Variants in FMR1 observed in about 807,000 individuals in gnomAD.
FMR1 encodes the protein fragile X messenger ribonucleoprotein 1.
Under a neutral mutation model 50.6 loss-of-function variants are expected in FMR1, and 13 were observed. The observed-to-expected ratio is 0.26, with a 90% CI of 0.17 to 0.41. FMR1 has a LOEUF of 0.41. FMR1 is among the 10% of genes least tolerant of loss of function. FMR1 has a pLI of 1.00. For missense variants in FMR1, 316 were observed against 491.3 expected (o/e 0.64, Z 3.37); for synonymous variants, 138 against 164.1 (o/e 0.84, Z 1.22).
chrX:147,926,655 T>C (rs1484555043), intron 3 of FMR1, among the ~76,000 whole-genome samples: 2 of 110,189 alleles, frequency 1.8e-5, no homozygotes, highest in Non-Finnish European at 1.9e-5. Flanking sequence ...GCCCAGATAA[T>C]TTTTATATTT....
chrX:147,950,059 G>A lies in FMR1; in HGVS notation c.*1215G>A, dbSNP rs1557183255. The A allele has an allele frequency of 9.3e-6, 3 of 321,940 alleles. No individual in the cohort carries two copies. Among genetic ancestry groups the A allele is most frequent in the Non-Finnish European group, 1.8e-5 (3 of 168,034 alleles). The allele number at this position is 321,940 out of a possible 1,213,427, so 26.5% of individuals were successfully genotyped here. On this transcript the variant is annotated 3_prime_UTR_variant, in exon 17 of 17. Transcript: ENST00000370475. ...TTTTCTTTTGTTTTTTGAAGTGTTG[G>A]GGTTTGGTTTTGTTTTTTGAGTCTT...
chrX:147,922,941 C>T (rs1050477642), intron 2 of FMR1, among the ~76,000 whole-genome samples: 1 of 110,831 alleles, frequency 9.0e-6, no homozygotes, highest in Admixed American at 9.6e-5. Flanking sequence ...AACTGTAAAC[C>T]TTCTATAAAC....
At chrX:147,919,420 G>A (rs2043046164) in intron 1 of FMR1, among the ~76,000 whole-genome samples, 1 of 111,742 alleles carries the variant, frequency 8.9e-6, no homozygotes, top group African/African-American at 3.3e-5. Flanking sequence ...TGAAGCACTG[G>A]GGCATGCACC....
intron 1 of FMR1, 105 bp downstream of exon 1, chrX:147,912,335 C>A: frequency 1.2e-6 from 1 of 801,246 alleles, no homozygotes; most frequent in Non-Finnish European, 1.8e-6. Flanking sequence ...AGCACCGCGC[C>A]TGGGTGCCAG....
chrX:147,919,367 A>C (rs1405588617), intron 1 of FMR1, among the ~76,000 whole-genome samples: 1 of 111,949 alleles, frequency 8.9e-6, no homozygotes, highest in Non-Finnish European at 1.9e-5. Context: ...CTAACTCAAA[A>C]TTAGGCCTCT....
intron 12 of FMR1, among the ~76,000 whole-genome samples, chrX:147,938,622 C>A (rs1206128585): frequency 1.8e-5 from 2 of 111,702 alleles, no homozygotes; most frequent in African/African-American, 6.5e-5. Context: ...GCAATGTGCT[C>A]ACCCCTAGCA....
In FMR1 at chrX:147,940,669, A is replaced by G; in HGVS notation, c.1275+7A>G. On this transcript the variant is annotated splice_region_variant and intron_variant, in intron 13 of 16. Coordinates refer to ENST00000370475, the MANE Select transcript of FMR1 (RefSeq NM_002024.6). ...TCACCTGAACTATTTAAAGGTGAGAACAGAAAGAACTTTAACTTCTAATCC... is the reference window on the plus strand; with the variant it reads ...TCACCTGAACTATTTAAAGGTGAGAGCAGAAAGAACTTTAACTTCTAATCC... 9.1e-7 allele frequency: 1 copy of G among 1,099,591 alleles called. No individual in the cohort carries two copies. Among genetic ancestry groups the G allele is most frequent in the East Asian group, 3.0e-5 (1 of 33,354 alleles). The allele number at this position is 1,099,591 out of a possible 1,213,427, so 90.6% of individuals were successfully genotyped here.
intron 16 of FMR1, chrX:147,947,310 GC>G (rs782290754): frequency 6.5e-5 from 7 of 107,635 alleles, no homozygotes; most frequent in African/African-American, 2.0e-4. Context: ...TACTCGGGAG[GC>G]TGAGGCAGGA....
intron 3 of FMR1, among the ~76,000 whole-genome samples, chrX:147,927,482 A>G (rs782255859): frequency 8.9e-6 from 1 of 111,794 alleles, no homozygotes; most frequent in South Asian, 3.7e-4. Context: ...CTTTTACTCT[A>G]CTTGTCAGCC....
intron 13 of FMR1, among the ~76,000 whole-genome samples, chrX:147,940,973 T>G (rs2043982163): frequency 8.9e-6 from 1 of 112,029 alleles, no homozygotes; most frequent in African/African-American, 3.3e-5. Context: ...TTCTAGCATT[T>G]TGGTTTTTTC....
rs1157854706 is a variant in FMR1 at position 147,936,423 on chromosome X, T to G, written c.881-81T>G. 1.0e-5 allele frequency: 6 copies of G among 601,665 alleles called. No individual in the cohort carries two copies. In the African/African-American group the frequency reaches 1.3e-4, roughly 14 times the overall value. The allele number at this position is 601,665 out of a possible 1,213,427, so 49.6% of individuals were successfully genotyped here. ...ACATAAAAATATCTATCTATATGAA[T>G]GTAATAGTTTACAGTAGGGCTGTGC... On this transcript the variant is annotated intron_variant, in intron 9 of 16. Coordinates refer to ENST00000370475, the MANE Select transcript of FMR1 (RefSeq NM_002024.6).
intron 9 of FMR1, 134 bp from the exon 10 acceptor site, chrX:147,936,370 A>G (rs1248510412): frequency 2.1e-6 from 1 of 469,625 alleles, no homozygotes; most frequent in Non-Finnish European, 3.7e-6. Context: ...TTGGTTTTGA[A>G]ATCTTACAAT....
chrX:147,915,541 C>T (rs1922039509), intron 1 of FMR1, among the ~76,000 whole-genome samples: 1 of 110,891 alleles, frequency 9.0e-6, no homozygotes, highest in South Asian at 3.8e-4. Flanking sequence ...GTGGCTGCAT[C>T]ATTTTTCCCC....
Position 147,950,403 on chromosome X carries a change from G to A in FMR1, c.*1559G>A. 1.2e-5 allele frequency: 4 copies of A among 329,565 alleles called. No homozygotes were observed. The Middle Eastern group carries it at 2.9e-3, about 237-fold the overall frequency. 27.2% of individuals were successfully genotyped at this position (329,565 alleles called of 1,213,427 possible). On this transcript the variant is annotated 3_prime_UTR_variant, in exon 17 of 17. Coordinates refer to ENST00000370475, the MANE Select transcript of FMR1 (RefSeq NM_002024.6). ...TAGTTATTTATTCTGGGAATGTATA[G>A]TATTTGAAAACAGAAATTGGTACCT...
At chrX:147,946,856 C>T (rs782311792) in intron 16 of FMR1, 4 of 112,259 alleles carry the variant, frequency 3.6e-5, no homozygotes, top group Non-Finnish European at 7.5e-5. Flanking sequence ...CATAGCAGCT[C>T]AAAGTAAGTG....
At position 147,944,987 on chromosome X, in the gene FMR1, C is replaced by A; in HGVS notation, c.1590C>A (p.Asp530Glu). Residue 530 changes from aspartate to glutamate, a missense_variant, in exon 15 of 17, where the codon GAC (aspartate) becomes GAA (glutamate). By Grantham distance (45) the Asp-to-Glu change is conservative. Transcript: ENST00000370475. ...GGGAGAGCTTCCTGCGCAGAGGAGA[C>A]GGACGGCGGCGTGGAGGGGGAGGAA... ...EERESFLRRG[D>E]GRRRGGGGRG... 1 of 1,201,663 alleles carries A rather than the reference C, an allele frequency of 8.3e-7. No individual in the cohort carries two copies. Among genetic ancestry groups the A allele is most frequent in the Non-Finnish European group, 1.1e-6 (1 of 889,979 alleles).
chrX:147,933,540 CGTGA>C (rs782380533), intron 9 of FMR1: 37 of 906,242 alleles, frequency 4.1e-5, no homozygotes, highest in Non-Finnish European at 5.1e-5. Context: ...CCATCACCAT[CGTGA>C]GTATCAGCAA....
chrX:147,933,568 C>T lies in FMR1; in HGVS notation c.880+805C>T, dbSNP rs556623089. ...GAGTATCAGCAAATATTTAGGAGCT[C>T]TTCACCAATACTCCTAAATGCTGCA... On this transcript the variant is annotated intron_variant, in intron 9 of 16. Coordinates refer to ENST00000370475, the MANE Select transcript of FMR1 (RefSeq NM_002024.6). 4.0e-5 allele frequency: 36 copies of T among 892,529 alleles called. No homozygotes were observed. The African/African-American group carries it at 4.6e-4, about 11-fold the overall frequency. The allele number at this position is 892,529 out of a possible 1,213,427, so 73.6% of individuals were successfully genotyped here. A position where few individuals can be genotyped will look rare whatever the true frequency, so the allele number is the denominator to read the frequency against.
chrX:147,943,613 A>G (rs1196276438), intron 14 of FMR1: 3 of 317,565 alleles, frequency 9.4e-6, no homozygotes, highest in Non-Finnish European at 1.6e-5. Context: ...ATAACTGTAT[A>G]GTCAAAACTT....
Sources: gnomAD v4.1 joint callset for allele counts (sites outside exome capture counted in the v4.1 genomes callset) on GRCh38, gnomAD v4.1.1 for gene constraint, MANE v1.5 for transcripts, NCBI Gene and HGNC (gene_info 2026-07-23, HGNC 2026-07-21) for gene names.